ERGIC3: variants seen among roughly 807,000 people sequenced by gnomAD.
ERGIC3 encodes ERGIC and golgi 3.
Under a neutral mutation model 54.7 loss-of-function variants are expected in ERGIC3, and 33 were observed. That is an observed-to-expected ratio of 0.60 (90% CI 0.46 to 0.81). ERGIC3 has a LOEUF of 0.81. Ranked by LOEUF, ERGIC3 falls within the 30% of genes least tolerant of loss-of-function variation. ERGIC3 has a pLI of 0.00. For missense variants in ERGIC3, 399 were observed against 488.4 expected (o/e 0.82, Z 1.73); for synonymous variants, 186 against 189.8 (o/e 0.98, Z 0.16).
intron 9 of ERGIC3, 34 bp from the exon 10 acceptor site, chr20:35,556,173 G>A (rs1360070249): frequency 6.2e-7 from 1 of 1,614,020 alleles, no homozygotes; most frequent in Non-Finnish European, 8.5e-7. Flanking sequence ...AGGCCGGCCG[G>A]GCACCCATAC....
chr20:35,542,090 C>T lies in ERGIC3; in HGVS notation c.-8C>T, dbSNP rs369634766. On this transcript the variant is annotated 5_prime_UTR_variant, in exon 1 of 13. Coordinates refer to ENST00000348547, the MANE Select transcript of ERGIC3 (RefSeq NM_015966.3). ...GGCCGGCTGGCGTCCCCTTTCCGGC[C>T]GGTCCCCATGGAGGCGCTGGGGAAG... 1.7e-5 allele frequency: 26 copies of T among 1,527,654 alleles called. No homozygotes were observed. The highest frequency in any genetic ancestry group is 6.9e-5 in the East Asian group (3 of 43,460). The allele number at this position is 1,527,654 out of a possible 1,614,324, so 94.6% of individuals were successfully genotyped here.
At chr20:35,549,499 C>T (rs1229010120) in intron 7 of ERGIC3, 1 of 269,702 alleles carries the variant, frequency 3.7e-6, no homozygotes, top group Non-Finnish European at 7.3e-6. Context: ...CAGTAGTGAA[C>T]AATCTGTGCC....
At chr20:35,556,595 A>G (rs1238915127) in intron 10 of ERGIC3, 2 of 492,390 alleles carry the variant, frequency 4.1e-6, no homozygotes, top group Non-Finnish European at 7.4e-6. Context: ...CCCGCTCCCA[A>G]GGCTGCCCTG....
At position 35,547,445 on chromosome 20, in the gene ERGIC3, C is replaced by G; in HGVS notation, c.401C>G (p.Pro134Arg). The change falls in exon 5 of 13, where the codon CCT becomes CGT. Residue 134 changes from proline to arginine, a missense_variant. Coordinates refer to ENST00000348547, the MANE Select transcript of ERGIC3 (RefSeq NM_015966.3). ...LGKVEVTVFD[P>R]DSLDPDRCES... ...AAAGTCGAGGTGACGGTGTTTGACC[C>G]TGACTCCCTGGACCCTGATCGCTGT... 6.2e-7 allele frequency: 1 copy of G among 1,614,172 alleles called. No homozygotes were observed. Among genetic ancestry groups the G allele is most frequent in the South Asian group, 1.1e-5 (1 of 91,080 alleles).
In ERGIC3 at chr20:35,545,122, GCTCA is replaced by G. The variant is rs1393834355; in HGVS notation, c.367+2186_367+2189del. The stretch of plus-strand genomic sequence containing the variant: ...CCAGCAGGGGATCTGCTTTTAAAGG[GCTCA>G]CTCATAGGGCTGTTGGCAGGATGCC... On this transcript the variant is annotated intron_variant, in intron 4 of 12. Coordinates refer to ENST00000348547, the MANE Select transcript of ERGIC3 (RefSeq NM_015966.3). 4.6e-5 allele frequency: 7 copies of G among 152,546 alleles called. No individual in the cohort carries two copies. The East Asian group carries it at 1.4e-3, about 29-fold the overall frequency. 9.4% of individuals were successfully genotyped at this position (152,546 alleles called of 1,614,324 possible).
At chr20:35,555,695 G>A (rs998127906) in intron 8 of ERGIC3, among the ~76,000 whole-genome samples, 12 of 151,528 alleles carry the variant, frequency 7.9e-5, no homozygotes, top group Admixed American at 7.3e-4. Context: ...GCTCATGCTT[G>A]TAATCCCAGC....
intron 8 of ERGIC3, 111 bp downstream of exon 8, chr20:35,555,186 C>T (rs2064704367): frequency 3.2e-6 from 4 of 1,256,996 alleles, no homozygotes; most frequent in South Asian, 2.5e-5. Context: ...TGGAAAAATA[C>T]ACCACGTTCT....
chr20:35,549,023 C>A, intron 7 of ERGIC3, 158 bp downstream of exon 7: 1 of 816,128 alleles, frequency 1.2e-6, no homozygotes, highest in Non-Finnish European at 2.1e-6. Flanking sequence ...TGGCTAAGAG[C>A]ACAGGCCGAG....
rs748448977 is a variant in ERGIC3 at position 35,542,079 on chromosome 20, C to A, written c.-19C>A. ...CTGTAGGGGCGGGCCGGCTGGCGTC[C>A]CCTTTCCGGCCGGTCCCCATGGAGG... On this transcript the variant is annotated 5_prime_UTR_variant, in exon 1 of 13. Coordinates refer to ENST00000348547, the MANE Select transcript of ERGIC3 (RefSeq NM_015966.3). 3.3e-6 allele frequency: 5 copies of A among 1,510,546 alleles called. No homozygotes were observed. Among genetic ancestry groups the A allele is most frequent in the African/African-American group, 1.4e-5 (1 of 71,692 alleles). 93.6% of individuals were successfully genotyped at this position (1,510,546 alleles called of 1,614,324 possible). A position where few individuals can be genotyped will look rare whatever the true frequency, so the allele number is the denominator to read the frequency against.
intron 4 of ERGIC3, chr20:35,544,359 A>C (rs2064635793): frequency 3.8e-6 from 1 of 260,856 alleles, no homozygotes; most frequent in Admixed American, 4.8e-5. Flanking sequence ...TGGCCTACTT[A>C]TTTGTTGTTT....
In ERGIC3 at chr20:35,557,497, C is replaced by T; in HGVS notation, c.1145C>T (p.Thr382Ile). 1 of 1,613,984 alleles carries T rather than the reference C, an allele frequency of 6.2e-7. No homozygotes were observed. The highest frequency in any genetic ancestry group is 8.5e-7 in the Non-Finnish European group (1 of 1,179,900). The part of the protein sequence containing the change: ...AIQKKIDLGK[T>I]T ...CAGAAGAAAATTGATCTAGGGAAGACAACGTAGTCACCCTCGGTGCTTCCT... is the reference window on the plus strand; with the variant it reads ...CAGAAGAAAATTGATCTAGGGAAGATAACGTAGTCACCCTCGGTGCTTCCT... Residue 382 changes from threonine (T) to isoleucine (I), a missense_variant, in exon 13 of 13, where the codon ACA becomes ATA. Coordinates refer to ENST00000348547, the MANE Select transcript of ERGIC3 (RefSeq NM_015966.3).
intron 10 of ERGIC3, 67 bp from the exon 11 acceptor site, chr20:35,556,906 T>C: frequency 6.2e-7 from 1 of 1,604,452 alleles, no homozygotes; most frequent in Non-Finnish European, 8.5e-7. Flanking sequence ...GGAGCAGGGG[T>C]GGGGCTGATG....
intron 8 of ERGIC3, among the ~76,000 whole-genome samples, chr20:35,555,353 G>T (rs991188365): frequency 6.6e-6 from 1 of 152,186 alleles, no homozygotes; most frequent in Admixed American, 6.5e-5. Flanking sequence ...GAACTGCGGG[G>T]CAGGTGTGGA....
In ERGIC3 at chr20:35,556,202, C is replaced by T. The variant is rs2146207646; in HGVS notation, c.815-5C>T. On this transcript the variant is annotated splice_region_variant and splice_polypyrimidine_tract_variant and intron_variant, in intron 9 of 12. Transcript: ENST00000348547. ...CCCATACCCAGTGCTTTGTTTTCCC[C>T]TCAGCCTCCATGATGTTCCAGTACT... 1 of 1,614,214 alleles carries T rather than the reference C, an allele frequency of 6.2e-7. No individual in the cohort carries two copies. The highest frequency in any genetic ancestry group is 1.7e-5 in the Admixed American group (1 of 60,018).
At chr20:35,549,069 A>T (rs750224793) in intron 7 of ERGIC3, 6 of 689,028 alleles carry the variant, frequency 8.7e-6, no homozygotes, top group Middle Eastern at 2.4e-4. Flanking sequence ...CCAGTTTCAG[A>T]CCTTACTGGC....
chr20:35,546,645 G>T (rs2064650462), intron 4 of ERGIC3, among the ~76,000 whole-genome samples: 1 of 152,216 alleles, frequency 6.6e-6, no homozygotes, highest in Non-Finnish European at 1.5e-5. Flanking sequence ...TTATGTGCAA[G>T]AGAATAATTA....
In ERGIC3 at chr20:35,557,594, C is replaced by T; in HGVS notation, c.*90C>T. 2 of 1,084,586 alleles carry T rather than the reference C, an allele frequency of 1.8e-6. No homozygotes were observed. Among genetic ancestry groups the T allele is most frequent in the Non-Finnish European group, 1.4e-6 (1 of 710,230 alleles). 67.2% of individuals were successfully genotyped at this position (1,084,586 alleles called of 1,614,324 possible). On this transcript the variant is annotated 3_prime_UTR_variant, in exon 13 of 13. Transcript: ENST00000348547. ...CACCCTCCACCTCCTCGGTCAGCCC[C>T]AGCCCCAGGTTGATAAATCTATTGA...
chr20:35,556,130 G>A lies in ERGIC3; in HGVS notation c.814+1G>A. ...CACACCAATGTCACTGCGCCCCAAG[G>A]TACCAGCCCGGGAGGCAGCCCCCAG... On this transcript the variant is annotated splice_donor_variant, in intron 9 of 12. Coordinates refer to ENST00000348547, the MANE Select transcript of ERGIC3 (RefSeq NM_015966.3). LOFTEE classifies it high-confidence loss of function. 5 of 1,614,162 alleles carry A rather than the reference G, an allele frequency of 3.1e-6. No individual in the cohort carries two copies. The highest frequency in any genetic ancestry group is 4.2e-6 in the Non-Finnish European group (5 of 1,180,032).
chr20:35,554,510 G>A, intron 7 of ERGIC3: 3 of 1,039,454 alleles, frequency 2.9e-6, no homozygotes, highest in Non-Finnish European at 4.4e-6. Context: ...CTGGGTGACT[G>A]TAAAAGGTCT....
Sources: gnomAD v4.1 joint callset for allele counts (sites outside exome capture counted in the v4.1 genomes callset) on GRCh38, gnomAD v4.1.1 for gene constraint, MANE v1.5 for transcripts, NCBI Gene and HGNC (gene_info 2026-07-23, HGNC 2026-07-21) for gene names.